TLL2: variants seen among roughly 807,000 people sequenced by gnomAD.
The protein encoded by TLL2 is tolloid-like protein 2.
TLL2 carries 106 observed loss-of-function variants against 123.0 expected under a neutral mutation model. The ratio of observed to expected loss-of-function variants is 0.86; its 90% confidence interval spans 0.74 to 1.01. TLL2 has a LOEUF of 1.01. Ranked by LOEUF, TLL2 falls within the 50% of genes least tolerant of loss-of-function variation. The pLI, the probability that TLL2 is intolerant of heterozygous loss-of-function variation, is 0.00. For missense variants in TLL2, 1,332 were observed against 1,336.7 expected (o/e 1.00, Z 0.06); for synonymous variants, 494 against 516.8 (o/e 0.96, Z 0.60).
intron 1 of TLL2, among the ~76,000 whole-genome samples, chr10:96,489,702 C>G (rs1311834508): frequency 6.6e-6 from 1 of 152,036 alleles, no homozygotes; most frequent in East Asian, 1.9e-4. Flanking sequence ...ATGTGGCTAG[C>G]TATATATAAG....
At chr10:96,422,208 C>CTT (rs58380591) in intron 6 of TLL2, among the ~76,000 whole-genome samples, 27 of 129,182 alleles carry the variant, frequency 2.1e-4, no homozygotes, top group African/African-American at 6.6e-4. Flanking sequence ...CAGGAGAACT[C>CTT]TTTTTTTTTT....
At chr10:96,451,173 T>A (rs17111879) in intron 2 of TLL2, among the ~76,000 whole-genome samples, 20,072 of 152,238 alleles carry the variant, frequency 0.13, 1,450 homozygotes, top group South Asian at 0.17. Context: ...AACAATTCAC[T>A]AAATTCAGAG....
intron 3 of TLL2, among the ~76,000 whole-genome samples, chr10:96,444,916 G>A (rs78895528): frequency 0.033 from 4,976 of 152,234 alleles, 110 homozygotes; most frequent in Middle Eastern, 0.085. Flanking sequence ...TTGGCCAGGT[G>A]CGGTGGCTCA....
At position 96,365,192 on chromosome 10, in the gene TLL2, G is replaced by T. The variant is rs1490491580; in HGVS notation, c.*2896C>A. 6.6e-6 allele frequency: 1 copy of T among 152,202 alleles called. No homozygotes were observed. The highest frequency in any genetic ancestry group is 1.5e-5 in the Non-Finnish European group (1 of 68,038). 9.4% of individuals were successfully genotyped at this position (152,202 alleles called of 1,614,324 possible). On this transcript the variant is annotated 3_prime_UTR_variant, in exon 21 of 21. Coordinates refer to ENST00000357947, the MANE Select transcript of TLL2 (RefSeq NM_012465.4). ...CGGGCCATATTCAAAGCCGTCCTGG[G>T]CCAAGGGTTGGACAAGCTTGCTTTA...
intron 5 of TLL2, 21 bp downstream of exon 5, chr10:96,428,610 G>T: frequency 6.7e-7 from 1 of 1,501,998 alleles, no homozygotes; most frequent in Non-Finnish European, 9.3e-7. Flanking sequence ...TGCAGAGGTG[G>T]CCTCGCTTTC....
Position 96,422,653 on chromosome 10 carries a change from C to G in TLL2, c.713G>C (p.Gly238Ala). Residue 238 changes from glycine to alanine, a missense_variant, in exon 6 of 21, where the codon GGC becomes GCC. Transcript: ENST00000357947. ...ISIGKNCDKF[G>A]IVAHELGHVV... ...ATGGCCCAGCTCGTGAGCCACAATG[C>G]CAAACTTGTCACAGTTCTTCCCAAT... 6.2e-7 allele frequency: 1 copy of G among 1,614,202 alleles called. No homozygotes were observed. Among genetic ancestry groups the G allele is most frequent in the Non-Finnish European group, 8.5e-7 (1 of 1,180,040 alleles).
Position 96,495,000 on chromosome 10 carries a change from CTG to C in TLL2, c.176-14543_176-14542del, listed in dbSNP as rs746416717. Among the ~76,000 whole-genome samples the C allele has an allele frequency of 7.9e-5, 12 of 152,330 alleles. No homozygotes were observed. In the South Asian group the frequency reaches 2.1e-3, roughly 26 times the overall value. ...TGGAAACCAATGGAGTCCATGGTCA[CTG>C]ACCTTACGTTTGATTTCACTACATT... On this transcript the variant is annotated intron_variant, in intron 1 of 20. Transcript: ENST00000357947.
At position 96,367,550 on chromosome 10, in the gene TLL2, T is replaced by A. The variant is rs1846040445; in HGVS notation, c.*538A>T. 6.5e-6 allele frequency: 1 copy of A among 153,254 alleles called. No individual in the cohort carries two copies. The highest frequency in any genetic ancestry group is 6.4e-5 in the Admixed American group (1 of 15,660). 9.5% of individuals were successfully genotyped at this position (153,254 alleles called of 1,614,324 possible). A position where few individuals can be genotyped will look rare whatever the true frequency, so the allele number is the denominator to read the frequency against. ...TGTGCTCACTGCTCACTGTGATGCC[T>A]TTTTTTAGTCCTGACATCCATCCAT... On this transcript the variant is annotated 3_prime_UTR_variant, in exon 21 of 21. Transcript: ENST00000357947.
chr10:96,474,535 G>C (rs1214979211), intron 2 of TLL2, among the ~76,000 whole-genome samples: 1 of 152,192 alleles, frequency 6.6e-6, no homozygotes, highest in Non-Finnish European at 1.5e-5. Flanking sequence ...TGTAAGGAAG[G>C]AAACTGGGGG....
In TLL2 at chr10:96,365,783, C is replaced by T. The variant is rs1390625248; in HGVS notation, c.*2305G>A. ...GCGGCCCAGCTAGCCCCAGCTGAATCAGAGCTTCTCTTTTCTGTGGATACG... is the reference window on the plus strand; with the variant it reads ...GCGGCCCAGCTAGCCCCAGCTGAATTAGAGCTTCTCTTTTCTGTGGATACG... On this transcript the variant is annotated 3_prime_UTR_variant, in exon 21 of 21. Transcript: ENST00000357947. 1 of 152,250 alleles carries T rather than the reference C, an allele frequency of 6.6e-6. No homozygotes were observed. Among genetic ancestry groups the T allele is most frequent in the Non-Finnish European group, 1.5e-5 (1 of 68,048 alleles). The allele number at this position is 152,250 out of a possible 1,614,324, so 9.4% of individuals were successfully genotyped here.
At chr10:96,486,634 G>A (rs897068628) in intron 1 of TLL2, among the ~76,000 whole-genome samples, 2 of 152,234 alleles carry the variant, frequency 1.3e-5, no homozygotes, top group African/African-American at 4.8e-5. Context: ...TGCAGGAAGG[G>A]CCACGTGCCC....
chr10:96,460,885 T>C (rs1423717946), intron 2 of TLL2, among the ~76,000 whole-genome samples: 1 of 152,100 alleles, frequency 6.6e-6, no homozygotes, highest in Non-Finnish European at 1.5e-5. Flanking sequence ...GAAGATACCA[T>C]CTATGAACCA....
intron 7 of TLL2, among the ~76,000 whole-genome samples, chr10:96,416,524 T>C (rs1443630734): frequency 2.0e-5 from 3 of 152,300 alleles, no homozygotes; most frequent in African/African-American, 7.2e-5. Flanking sequence ...ACAGAGGTAG[T>C]CATGGAGAGG....
intron 2 of TLL2, among the ~76,000 whole-genome samples, chr10:96,477,391 C>T (rs1847270118): frequency 6.6e-6 from 1 of 150,730 alleles, no homozygotes; most frequent in South Asian, 2.1e-4. Flanking sequence ...GCTCTGTCGC[C>T]CAGGCTGGAG....
At chr10:96,464,526 C>T (rs889970781) in intron 2 of TLL2, among the ~76,000 whole-genome samples, 1 of 152,126 alleles carries the variant, frequency 6.6e-6, no homozygotes, top group South Asian at 2.1e-4. Flanking sequence ...GCAGTACAGA[C>T]AGGGATGGAT....
chr10:96,476,785 T>C (rs1310682867), intron 2 of TLL2, among the ~76,000 whole-genome samples: 1 of 151,844 alleles, frequency 6.6e-6, no homozygotes, highest in Non-Finnish European at 1.5e-5. Context: ...AAGATGTCCA[T>C]GATAAAGTGT....
At chr10:96,500,297 G>A (rs964153988) in intron 1 of TLL2, among the ~76,000 whole-genome samples, 1 of 152,000 alleles carries the variant, frequency 6.6e-6, no homozygotes, top group Non-Finnish European at 1.5e-5. Flanking sequence ...TAGCCTGGGT[G>A]ACAGTGAGAC....
rs1374955266 is a variant in TLL2, at chr10:96,366,495, TA to T, written c.*1592del. On this transcript the variant is annotated 3_prime_UTR_variant, in exon 21 of 21. Transcript: ENST00000357947. Reference sequence around the variant, plus strand: ...ATAATACTTTAATTTTTTTCTGTTTTAAGGAAAAAATATTCCCATGCATTTC... The same window carrying T: ...ATAATACTTTAATTTTTTTCTGTTTTAGGAAAAAATATTCCCATGCATTTC... 1.3e-5 allele frequency: 2 copies of T among 152,666 alleles called. No individual in the cohort carries two copies. The highest frequency in any genetic ancestry group is 4.8e-5 in the African/African-American group (2 of 41,460). 9.5% of individuals were successfully genotyped at this position (152,666 alleles called of 1,614,324 possible).
chr10:96,468,179 C>T (rs1299636071), intron 2 of TLL2, among the ~76,000 whole-genome samples: 15 of 152,202 alleles, frequency 9.9e-5, no homozygotes, highest in Admixed American at 8.5e-4. Context: ...CCCATTATTA[C>T]TTCATTTCCA....
Sources: gnomAD v4.1 joint callset for allele counts (sites outside exome capture counted in the v4.1 genomes callset) on GRCh38, gnomAD v4.1.1 for gene constraint, MANE v1.5 for transcripts, NCBI Gene and HGNC (gene_info 2026-07-23, HGNC 2026-07-21) for gene names.